Variants in ATP8B4 observed in about 807,000 individuals in gnomAD.
The protein encoded by ATP8B4 is probable phospholipid-transporting ATPase IM.
In ATP8B4, 133 loss-of-function variants were observed where a neutral mutation model predicts 145.6. That is an observed-to-expected ratio of 0.91 (90% CI 0.79 to 1.05). ATP8B4 has a LOEUF of 1.05. ATP8B4 is among the 50% of genes least tolerant of loss of function. The pLI is 0.00. For missense variants in ATP8B4, 1,458 were observed against 1,425.2 expected (o/e 1.02, Z -0.37); for synonymous variants, 507 against 492.9 (o/e 1.03, Z -0.38).
intron 23 of ATP8B4, among the ~76,000 whole-genome samples, chr15:49,884,463 T>C (rs2035903592): frequency 1.3e-5 from 2 of 151,974 alleles, no homozygotes; most frequent in South Asian, 2.1e-4. Flanking sequence ...TGGCTGGTCA[T>C]GATGGTGTGC....
chr15:50,005,934 T>C (rs1206453159), intron 7 of ATP8B4, among the ~76,000 whole-genome samples: 1 of 152,226 alleles, frequency 6.6e-6, no homozygotes, highest in African/African-American at 2.4e-5. Context: ...TTTTATTTTT[T>C]AGGCCATTCT....
At chr15:49,978,451 G>C (rs918176528) in intron 12 of ATP8B4, among the ~76,000 whole-genome samples, 3 of 152,120 alleles carry the variant, frequency 2.0e-5, no homozygotes, top group African/African-American at 7.2e-5. Flanking sequence ...TGGCATTTCA[G>C]TTTCCTGACC....
chr15:49,883,061 G>C (rs958454203), intron 23 of ATP8B4: 1 of 152,124 alleles, frequency 6.6e-6, no homozygotes, highest in Admixed American at 6.6e-5. Flanking sequence ...GTATCTCTGG[G>C]AGAAGGATCT....
intron 1 of ATP8B4, among the ~76,000 whole-genome samples, chr15:50,164,573 G>A (rs1375363383): frequency 6.6e-6 from 1 of 152,168 alleles, no homozygotes; most frequent in African/African-American, 2.4e-5. Flanking sequence ...GTTGAGGGAG[G>A]GATGAAGCAA....
rs1595572485 is a variant in ATP8B4 at position 50,106,872 on chromosome 15, C to A, written c.28+67G>T. On this transcript the variant is annotated intron_variant, in intron 2 of 27. Coordinates refer to ENST00000284509, the MANE Select transcript of ATP8B4 (RefSeq NM_024837.4). ...TGCTTTTTATATATAAATTAAACTT[C>A]CATGAAAAAATTAAAATTATATTTT... The A allele has an allele frequency of 6.8e-6, 10 of 1,473,772 alleles. No homozygotes were observed. The East Asian group carries it at 2.5e-4, about 37-fold the overall frequency. The allele number at this position is 1,473,772 out of a possible 1,614,324, so 91.3% of individuals were successfully genotyped here. A position where few individuals can be genotyped will look rare whatever the true frequency, so the allele number is the denominator to read the frequency against.
chr15:49,926,594 C>T lies in ATP8B4; in HGVS notation c.1643-3100G>A, dbSNP rs374586488. On this transcript the variant is annotated intron_variant, in intron 16 of 27. Coordinates refer to ENST00000284509, the MANE Select transcript of ATP8B4 (RefSeq NM_024837.4). Reference sequence around the variant, plus strand: ...CATATAGAGCTTATTAACAGCTGCACTATCCAGTCTGTTTTACCATGTTCT... The same window carrying T: ...CATATAGAGCTTATTAACAGCTGCATTATCCAGTCTGTTTTACCATGTTCT... Among the ~76,000 whole-genome samples, 946 of 152,228 alleles carry T rather than the reference C, an allele frequency of 6.2e-3. 14 individuals are homozygous for T. Among genetic ancestry groups the T allele is most frequent in the African/African-American group, 0.022 (896 of 41,540 alleles).
intron 17 of ATP8B4, among the ~76,000 whole-genome samples, chr15:49,922,631 A>G (rs1357802827): frequency 2.0e-5 from 3 of 152,220 alleles, no homozygotes; most frequent in Non-Finnish European, 2.9e-5. Flanking sequence ...AAAGAAACCA[A>G]TGAGAAAATG....
At chr15:50,134,658 T>A (rs1352024528) in intron 1 of ATP8B4, among the ~76,000 whole-genome samples, 1 of 152,204 alleles carries the variant, frequency 6.6e-6, no homozygotes, top group Middle Eastern at 3.2e-3. Context: ...ATGACAATAA[T>A]AGCCTAAGGC....
intron 10 of ATP8B4, among the ~76,000 whole-genome samples, chr15:49,985,806 A>G (rs1370529259): frequency 6.6e-6 from 1 of 152,190 alleles, no homozygotes; most frequent in Non-Finnish European, 1.5e-5. Flanking sequence ...GCATTTGTCA[A>G]GCATCCTTTT....
chr15:50,113,838 C>CAAAAAAAAAA (rs67648465), intron 1 of ATP8B4, among the ~76,000 whole-genome samples: 11 of 67,274 alleles, frequency 1.6e-4, no homozygotes, highest in African/African-American at 6.5e-4. Flanking sequence ...AACTCCATCT[C>CAAAAAAAAAA]AAAAAAAAAA....
At chr15:50,133,108 AT>A (rs2153679096) in intron 1 of ATP8B4, among the ~76,000 whole-genome samples, 1 of 152,296 alleles carries the variant, frequency 6.6e-6, no homozygotes, top group East Asian at 1.9e-4. Context: ...TTAAAGTATA[AT>A]TTTTAAAAAA....
Position 49,881,833 on chromosome 15 carries a change from C to A in ATP8B4, c.2698-2374G>T, listed in dbSNP as rs993750900. 6.6e-5 allele frequency among the ~76,000 whole-genome samples: 10 copies of A among 152,200 alleles called. 1 individual carries two copies. Among genetic ancestry groups the A allele is most frequent in the African/African-American group, 2.4e-4 (10 of 41,452 alleles). On this transcript the variant is annotated intron_variant, in intron 23 of 27. Transcript: ENST00000284509. Reference sequence around the variant, plus strand: ...ATAACGAAAAAAGTTGAGAAAAAAACAAATGCATCTTCATCAAAGTACCAA... The same window carrying A: ...ATAACGAAAAAAGTTGAGAAAAAAAAAAATGCATCTTCATCAAAGTACCAA...
rs1598742646 is a variant in ATP8B4 at position 49,860,179 on chromosome 15, T to C, written c.*15A>G. ...GAAGTGAAAAGATAACTACGTGGTT[T>C]AAATTCATATTGACTCACAGTTTCA... On this transcript the variant is annotated 3_prime_UTR_variant, in exon 28 of 28. Transcript: ENST00000284509. The C allele has an allele frequency of 1.3e-6, 2 of 1,596,644 alleles. No individual in the cohort carries two copies. The highest frequency in any genetic ancestry group is 1.7e-6 in the Non-Finnish European group (2 of 1,171,498).
chr15:50,112,177 G>T (rs1341088290), intron 1 of ATP8B4, among the ~76,000 whole-genome samples: 1 of 152,032 alleles, frequency 6.6e-6, no homozygotes, highest in African/African-American at 2.4e-5. Flanking sequence ...AATTAGAGGA[G>T]ATTGGAAAAA....
intron 13 of ATP8B4, among the ~76,000 whole-genome samples, 174 bp downstream of exon 13, chr15:49,972,408 G>A (rs1347067654): frequency 6.6e-6 from 1 of 152,076 alleles, no homozygotes; most frequent in Non-Finnish European, 1.5e-5. Flanking sequence ...TACATATTTA[G>A]TGAGAATTTA....
intron 14 of ATP8B4, among the ~76,000 whole-genome samples, chr15:49,957,488 A>G (rs2043677186): frequency 6.6e-6 from 1 of 152,100 alleles, no homozygotes; most frequent in Admixed American, 6.5e-5. Flanking sequence ...AAATGGGCCA[A>G]ACTCATTAAA....
chr15:50,103,183 C>T lies in ATP8B4; in HGVS notation c.28+3756G>A, dbSNP rs567860585. The stretch of plus-strand genomic sequence containing the variant: ...AAAGCATTCCCCCTGAGAACTGGAA[C>T]AAGACAAGGATGCCCATTTTCACCA... On this transcript the variant is annotated intron_variant, in intron 2 of 27. Transcript: ENST00000284509. Among the ~76,000 whole-genome samples the T allele has an allele frequency of 6.6e-5, 10 of 152,210 alleles. No homozygotes were observed. The East Asian group carries it at 1.9e-3, about 29-fold the overall frequency.
At chr15:50,175,233 A>G (rs1357763077) in intron 1 of ATP8B4, among the ~76,000 whole-genome samples, 12 of 152,194 alleles carry the variant, frequency 7.9e-5, no homozygotes, top group South Asian at 2.1e-4. Flanking sequence ...ACATTGGCTT[A>G]TGCAAGGATT....
chr15:49,973,932 C>G (rs202128343), intron 12 of ATP8B4, among the ~76,000 whole-genome samples: 1 of 152,204 alleles, frequency 6.6e-6, no homozygotes, highest in African/African-American at 2.4e-5. Flanking sequence ...GACATTTCTT[C>G]TTGGAACTAT....
Sources: gnomAD v4.1 joint callset for allele counts (sites outside exome capture counted in the v4.1 genomes callset) on GRCh38, gnomAD v4.1.1 for gene constraint, MANE v1.5 for transcripts, NCBI Gene and HGNC (gene_info 2026-07-23, HGNC 2026-07-21) for gene names.